The following PTPRD variants were observed in gnomAD, a reference collection of about 807,000 sequenced individuals.
The protein encoded by PTPRD is protein tyrosine phosphatase receptor type D, also known as receptor-type tyrosine-protein phosphatase delta.
PTPRD carries 34 observed loss-of-function variants against 214.5 expected under a neutral mutation model. The observed-to-expected ratio is 0.16, with a 90% CI of 0.12 to 0.21. The LOEUF is 0.21. Ranked by LOEUF, PTPRD falls within the 10% of genes least tolerant of loss-of-function variation. The pLI, the probability that PTPRD is intolerant of heterozygous loss-of-function variation, is 1.00. For synonymous variants in PTPRD, 1,128 were observed against 845.7 expected (o/e 1.33, Z -5.79); for missense variants, 2,545 against 2,398.7 (o/e 1.06, Z -1.27).
At chr9:10,187,232 T>C (rs1447520841) in intron 3 of PTPRD, among the ~76,000 whole-genome samples, 3 of 152,178 alleles carry the variant, frequency 2.0e-5, no homozygotes, top group African/African-American at 7.2e-5. Flanking sequence ...CAGCATCGTG[T>C]GTGAAATAGG....
At chr9:10,505,418 C>T (rs908896471) in intron 2 of PTPRD, among the ~76,000 whole-genome samples, 3 of 152,148 alleles carry the variant, frequency 2.0e-5, no homozygotes, top group African/African-American at 7.2e-5. Flanking sequence ...TTTAAGAATG[C>T]TGACTGCCAA....
intron 12 of PTPRD, among the ~76,000 whole-genome samples, chr9:8,726,906 G>C (rs1256917854): frequency 6.6e-6 from 1 of 151,612 alleles, no homozygotes; most frequent in Admixed American, 6.6e-5. Flanking sequence ...AGGAAGTGGA[G>C]GTTGCAGTGA....
intron 2 of PTPRD, among the ~76,000 whole-genome samples, chr9:10,429,185 G>A (rs1355921635): frequency 1.3e-5 from 2 of 151,866 alleles, no homozygotes; most frequent in African/African-American, 4.8e-5. Flanking sequence ...GAACATTATA[G>A]ATATTGTTAA....
intron 2 of PTPRD, among the ~76,000 whole-genome samples, chr9:10,511,819 A>T (rs2048137517): frequency 6.8e-6 from 1 of 147,852 alleles, no homozygotes; most frequent in East Asian, 2.0e-4. Context: ...TTCTCCATAT[A>T]CATCTTATAA....
intron 11 of PTPRD, among the ~76,000 whole-genome samples, chr9:8,822,837 C>T (rs958495269): frequency 3.9e-5 from 6 of 152,026 alleles, no homozygotes; most frequent in African/African-American, 1.4e-4. Context: ...ACCACCAGTG[C>T]TGCAGTCATT....
At chr9:9,053,177 A>T (rs2099689678) in intron 10 of PTPRD, among the ~76,000 whole-genome samples, 1 of 152,224 alleles carries the variant, frequency 6.6e-6, no homozygotes, top group Non-Finnish European at 1.5e-5. Context: ...TTTGAATATC[A>T]GCAGTTTCAT....
At chr9:10,410,958 A>G (rs946603898) in intron 2 of PTPRD, among the ~76,000 whole-genome samples, 1 of 151,762 alleles carries the variant, frequency 6.6e-6, no homozygotes. Flanking sequence ...TTCCTTATCA[A>G]TAATATGGGG....
intron 3 of PTPRD, among the ~76,000 whole-genome samples, chr9:10,277,215 ACAACAT>A (rs1436620537): frequency 2.6e-5 from 4 of 151,634 alleles, no homozygotes; most frequent in Non-Finnish European, 5.9e-5. Flanking sequence ...ACATAAACAT[ACAACAT>A]AAACATAAAC....
At chr9:8,735,146 T>G (rs572470007) in intron 11 of PTPRD, among the ~76,000 whole-genome samples, 11 of 138,000 alleles carry the variant, frequency 8.0e-5, no homozygotes, top group African/African-American at 2.8e-4. Flanking sequence ...TTGTTTTTTT[T>G]TTTCTGTTTT....
rs555461241 is a variant in PTPRD at position 10,409,560 on chromosome 9, T to C, written c.-599-68543A>G. 2.5e-3 allele frequency among the ~76,000 whole-genome samples: 383 copies of C among 151,878 alleles called. 4 individuals carry two copies. The highest frequency in any genetic ancestry group is 8.8e-3 in the African/African-American group (365 of 41,502). ...TTTAAAAATTTATCTCCTACCTTTC[T>C]AGGACATTTATATGGAATACCAGTT... is the stretch of plus-strand genomic sequence containing the variant. On this transcript the variant is annotated intron_variant, in intron 2 of 45. Coordinates refer to ENST00000381196, the MANE Select transcript of PTPRD (RefSeq NM_002839.4).
intron 2 of PTPRD, among the ~76,000 whole-genome samples, chr9:10,484,176 A>C (rs1314479968): frequency 6.6e-6 from 1 of 152,114 alleles, no homozygotes; most frequent in Non-Finnish European, 1.5e-5. Flanking sequence ...TCTTTAATCT[A>C]AGAGAAGTAA....
At chr9:8,906,209 T>C (rs1566935061) in intron 11 of PTPRD, among the ~76,000 whole-genome samples, 1 of 152,236 alleles carries the variant, frequency 6.6e-6, no homozygotes, top group South Asian at 2.1e-4. Context: ...CAAACATCTT[T>C]TTTTCCTCCT....
At chr9:8,836,291 G>A (rs2097420331) in intron 11 of PTPRD, among the ~76,000 whole-genome samples, 2 of 152,068 alleles carry the variant, frequency 1.3e-5, no homozygotes, top group African/African-American at 4.8e-5. Flanking sequence ...CATTGACAAA[G>A]CAAACTACAA....
At chr9:8,560,941 A>C (rs56053612) in intron 14 of PTPRD, among the ~76,000 whole-genome samples, 448 of 147,894 alleles carry the variant, frequency 3.0e-3, no homozygotes, top group Middle Eastern at 6.8e-3. Context: ...AAAAAAAAAA[A>C]CACTCCGTAG....
chr9:8,667,967 A>G (rs149259845), intron 12 of PTPRD, among the ~76,000 whole-genome samples: 244 of 152,256 alleles, frequency 1.6e-3, no homozygotes, highest in Non-Finnish European at 2.6e-3. Context: ...AAAATAAAAT[A>G]AAAACTAAGA....
chr9:10,005,699 C>T (rs1300407079), intron 4 of PTPRD, among the ~76,000 whole-genome samples: 1 of 151,970 alleles, frequency 6.6e-6, no homozygotes, highest in African/African-American at 2.4e-5. Flanking sequence ...ACTATAAAAC[C>T]TTCTGGAAAG....
intron 7 of PTPRD, among the ~76,000 whole-genome samples, chr9:9,675,919 A>G (rs564494828): frequency 2.0e-5 from 3 of 152,200 alleles, no homozygotes; most frequent in Middle Eastern, 3.4e-3. Context: ...AAAAATTCCA[A>G]TCAAAATATT....
intron 8 of PTPRD, among the ~76,000 whole-genome samples, chr9:9,561,008 G>T (rs2082790818): frequency 6.6e-6 from 1 of 151,974 alleles, no homozygotes; most frequent in Admixed American, 6.6e-5. Context: ...GGTGCCATGT[G>T]CCTGCCATGT....
chr9:8,569,005 A>G (rs1392533143), intron 14 of PTPRD, among the ~76,000 whole-genome samples: 1 of 152,136 alleles, frequency 6.6e-6, no homozygotes, highest in Non-Finnish European at 1.5e-5. Flanking sequence ...TCAAAAACAC[A>G]TCTGACTTTA....
Sources: allele counts gnomAD v4.1 joint callset (sites outside exome capture counted in the v4.1 genomes callset), GRCh38; gene constraint gnomAD v4.1.1; transcripts MANE v1.5; gene names NCBI Gene and HGNC (gene_info 2026-07-23, HGNC 2026-07-21).